The following INPP5A variants were observed in gnomAD, a reference collection of about 807,000 sequenced individuals.
INPP5A encodes the protein inositol polyphosphate-5-phosphatase A.
In INPP5A, 14 loss-of-function variants were observed where a neutral mutation model predicts 65.2. The observed-to-expected ratio is 0.21, with a 90% confidence interval of 0.14 to 0.34. The LOEUF is 0.34. INPP5A is among the 10% of genes least tolerant of loss of function. INPP5A has a pLI of 1.00. For missense variants in INPP5A, 431 were observed against 545.6 expected (o/e 0.79, Z 2.09); for synonymous variants, 207 against 208.3 (o/e 0.99, Z 0.05).
In INPP5A at chr10:132,719,175, C is replaced by A. The variant is rs183992515; in HGVS notation, c.648-7646C>A. Reference sequence around the variant, plus strand: ...CTGGGTGCCTTAGACGGCTGTCTTGCGGGTTCTGTGGTACCTGGGTTCTGT... The same window carrying A: ...CTGGGTGCCTTAGACGGCTGTCTTGAGGGTTCTGTGGTACCTGGGTTCTGT... On this transcript the variant is annotated intron_variant, in intron 8 of 15. Transcript: ENST00000368594. Among the ~76,000 whole-genome samples the A allele has an allele frequency of 5.8e-5, 8 of 137,266 alleles. 1 individual carries two copies. The highest frequency in any genetic ancestry group is 1.5e-4 in the Admixed American group (2 of 13,674). The allele number at this position is 137,266 out of a possible 152,430, so 90.1% of individuals were successfully genotyped here.
chr10:132,765,286 C>A (rs903654295), intron 11 of INPP5A, among the ~76,000 whole-genome samples: 10 of 152,210 alleles, frequency 6.6e-5, no homozygotes, highest in African/African-American at 2.4e-4. Context: ...TGAGAATGAA[C>A]ATTTTGCCCC....
chr10:132,558,339 G>A (rs978320120), intron 1 of INPP5A, among the ~76,000 whole-genome samples: 14 of 152,218 alleles, frequency 9.2e-5, no homozygotes, highest in South Asian at 4.1e-4. Flanking sequence ...GAGGCCACTC[G>A]CTCCGGGGCT....
intron 9 of INPP5A, among the ~76,000 whole-genome samples, chr10:132,748,335 G>C (rs1661248002): frequency 6.6e-6 from 1 of 152,202 alleles, no homozygotes; most frequent in South Asian, 2.1e-4. Context: ...AGAAACGCCG[G>C]TGCCTCTGCC....
chr10:132,595,663 T>C (rs967473391), intron 1 of INPP5A, among the ~76,000 whole-genome samples: 1 of 152,346 alleles, frequency 6.6e-6, no homozygotes, highest in Non-Finnish European at 1.5e-5. Context: ...TCATGTTTTA[T>C]CCAATAAATT....
chr10:132,663,575 T>C lies in INPP5A; in HGVS notation c.306+13070T>C, dbSNP rs969334046. ...TTTGTTGATTTTGAATGTAACATTA[T>C]TCCCACTCAATGAGTGATTTTGGTC... is the stretch of plus-strand genomic sequence containing the variant. On this transcript the variant is annotated intron_variant, in intron 4 of 15. Transcript: ENST00000368594. This position sits in a 1 kb window ranked among gnomAD's most constrained non-coding sequence, Gnocchi z 4.5. Among the ~76,000 whole-genome samples, 2 of 152,210 alleles carry C rather than the reference T, an allele frequency of 1.3e-5. No homozygotes were observed. Among genetic ancestry groups the C allele is most frequent in the Non-Finnish European group, 2.9e-5 (2 of 68,046 alleles).
At position 132,779,778 on chromosome 10, in the gene INPP5A, G is replaced by A. The variant is rs920725361; in HGVS notation, c.1090-1071G>A. On this transcript the variant is annotated intron_variant, in intron 13 of 15. Coordinates refer to ENST00000368594, the MANE Select transcript of INPP5A (RefSeq NM_005539.5). ...AGCCTCATCCATCATGACACGCGCCGTCACCTCGTCACCAAGCTCCGTTCT... is the reference window on the plus strand; with the variant it reads ...AGCCTCATCCATCATGACACGCGCCATCACCTCGTCACCAAGCTCCGTTCT... Among the ~76,000 whole-genome samples, 7 of 152,326 alleles carry A rather than the reference G, an allele frequency of 4.6e-5. No homozygotes were observed. The East Asian group carries it at 5.8e-4, about 13-fold the overall frequency.
Position 132,650,756 on chromosome 10 carries a change from G to A in INPP5A, c.306+251G>A, listed in dbSNP as rs1349842869. Among the ~76,000 whole-genome samples the A allele has an allele frequency of 1.3e-5, 2 of 152,194 alleles. No homozygotes were observed. Among genetic ancestry groups the A allele is most frequent in the East Asian group, 3.9e-4 (2 of 5,188 alleles). Reference sequence around the variant, plus strand: ...TCCAGACCAAGCCCAAGAGGGAATTGGGGAGTGACAGGTGGGGAGAGGCCC... The same window carrying A: ...TCCAGACCAAGCCCAAGAGGGAATTAGGGAGTGACAGGTGGGGAGAGGCCC... On this transcript the variant is annotated intron_variant, in intron 4 of 15. Transcript: ENST00000368594. This position sits in a 1 kb window ranked among gnomAD's most constrained non-coding sequence, Gnocchi z 5.5.
At chr10:132,628,989 G>A (rs2072229838) in intron 2 of INPP5A, among the ~76,000 whole-genome samples, 1 of 152,134 alleles carries the variant, frequency 6.6e-6, no homozygotes, top group South Asian at 2.1e-4. Flanking sequence ...TTTTTGTGTG[G>A]CCTTCAGAAC....
rs545087589 is a variant in INPP5A, at chr10:132,545,921, G to A, written c.75+7750G>A. Reference sequence around the variant, plus strand: ...CTCCGCTCGGCCTGAGGTGATGAGAGTGTGGATGGCACCTGCACTGTGTCC... The same window carrying A: ...CTCCGCTCGGCCTGAGGTGATGAGAATGTGGATGGCACCTGCACTGTGTCC... On this transcript the variant is annotated intron_variant, in intron 1 of 15. Coordinates refer to ENST00000368594, the MANE Select transcript of INPP5A (RefSeq NM_005539.5). The surrounding 1 kb of genome is among the most constrained non-coding windows in gnomAD (Gnocchi z 4.6). Among the ~76,000 whole-genome samples the A allele has an allele frequency of 6.6e-6, 1 of 152,230 alleles. No homozygotes were observed. Among genetic ancestry groups the A allele is most frequent in the Non-Finnish European group, 1.5e-5 (1 of 68,044 alleles).
chr10:132,606,245 C>A (rs113439623), intron 1 of INPP5A, among the ~76,000 whole-genome samples: 3,571 of 151,040 alleles, frequency 0.024, 53 homozygotes, highest in South Asian at 0.038. Flanking sequence ...AGTGGCGGGA[C>A]AGCGGCGTGG....
Position 132,749,804 on chromosome 10 carries a change from T to C in INPP5A, c.862T>C (p.Tyr288His). The C allele has an allele frequency of 6.2e-7, 1 of 1,613,268 alleles. No individual in the cohort carries two copies. The highest frequency in any genetic ancestry group is 1.1e-5 in the South Asian group (1 of 91,088). Residue 288 changes from tyrosine (Y) to histidine (H), a missense_variant, in exon 11 of 16, where the codon TAC becomes CAC. Tyr to His is a moderately conservative substitution (Grantham distance 83). Coordinates refer to ENST00000368594, the MANE Select transcript of INPP5A (RefSeq NM_005539.5). ...MLQLEKKLFD[Y>H]FNQEVFRDNN... ...CCAGTTAGAAAAGAAACTCTTCGAC[T>C]ACTTCAACCAGGAGGTTTTCCGAGA...
chr10:132,633,453 G>A (rs982000489), intron 2 of INPP5A, among the ~76,000 whole-genome samples: 2 of 152,210 alleles, frequency 1.3e-5, no homozygotes, highest in African/African-American at 2.4e-5. Context: ...AGTCTCTGAT[G>A]TGCGTGTCTG....
intron 4 of INPP5A, among the ~76,000 whole-genome samples, chr10:132,660,868 G>C (rs1406792377): frequency 6.6e-6 from 1 of 152,226 alleles, no homozygotes; most frequent in Non-Finnish European, 1.5e-5. Context: ...TAAATGCACA[G>C]AGAGGACCAG....
At chr10:132,605,401 G>A (rs2071836252) in intron 1 of INPP5A, among the ~76,000 whole-genome samples, 1 of 136,036 alleles carries the variant, frequency 7.4e-6, no homozygotes, top group Admixed American at 7.2e-5. Flanking sequence ...GACAGGGAGG[G>A]AGTGGATCCC....
intron 11 of INPP5A, among the ~76,000 whole-genome samples, chr10:132,751,922 T>G (rs1846488815): frequency 7.0e-6 from 1 of 143,178 alleles, no homozygotes; most frequent in Non-Finnish European, 1.5e-5. Flanking sequence ...CCAGGAGGTG[T>G]CTGGGTAGAG....
chr10:132,561,839 T>C lies in INPP5A; in HGVS notation c.75+23668T>C, dbSNP rs533997470. On this transcript the variant is annotated intron_variant, in intron 1 of 15. Coordinates refer to ENST00000368594, the MANE Select transcript of INPP5A (RefSeq NM_005539.5). ...CCCTGGTGGAATTTTGGGGGTTGCG[T>C]TGGATCTGTAGATGCAGTTCTTACT... is the stretch of plus-strand genomic sequence containing the variant. 1.9e-4 allele frequency among the ~76,000 whole-genome samples: 29 copies of C among 152,060 alleles called. No individual in the cohort carries two copies. In the South Asian group the frequency reaches 3.7e-3, roughly 20 times the overall value.
rs554278841 is a variant in INPP5A at position 132,779,848 on chromosome 10, G to A, written c.1090-1001G>A. ...ACCAAAAGGGGCTCGGGACGCGGGC[G>A]GTGCTGCTTGGGGAGCCTCGGTGAC... is the stretch of plus-strand genomic sequence containing the variant. On this transcript the variant is annotated intron_variant, in intron 13 of 15. Transcript: ENST00000368594. Among the ~76,000 whole-genome samples the A allele has an allele frequency of 1.8e-3, 279 of 152,354 alleles. 3 individuals are homozygous for A. The highest frequency in any genetic ancestry group is 6.0e-3 in the African/African-American group (248 of 41,582).
chr10:132,641,331 T>C (rs1590887762), intron 2 of INPP5A, among the ~76,000 whole-genome samples: 2 of 152,356 alleles, frequency 1.3e-5, no homozygotes, highest in Non-Finnish European at 1.5e-5. Flanking sequence ...TATGTACTCA[T>C]GGATATAAAC....
chr10:132,683,624 A>C (rs1473508668), intron 4 of INPP5A, among the ~76,000 whole-genome samples: 3 of 152,254 alleles, frequency 2.0e-5, no homozygotes, highest in Non-Finnish European at 4.4e-5. Flanking sequence ...AACACCATGC[A>C]GGGAAGATTA....
Sources: allele counts gnomAD v4.1 joint callset (sites outside exome capture counted in the v4.1 genomes callset), GRCh38; gene constraint gnomAD v4.1.1; non-coding constraint Gnocchi (gnomAD v3.1); transcripts MANE v1.5; gene names NCBI Gene and HGNC (gene_info 2026-07-23, HGNC 2026-07-21).